PALS2: variants seen among roughly 807,000 people sequenced by gnomAD.
The protein encoded by PALS2 is protein PALS2.
A neutral mutation model predicts 61.6 loss-of-function variants in PALS2; 27 were observed. That is an observed-to-expected ratio of 0.44 (90% CI 0.32 to 0.60). PALS2 has a LOEUF of 0.60. PALS2 is among the 20% of genes least tolerant of loss of function. PALS2 has a pLI of 0.05. For synonymous variants in PALS2, 236 were observed against 218.6 expected (o/e 1.08, Z -0.70); for missense variants, 554 against 639.4 (o/e 0.87, Z 1.44).
chr7:24,604,220 A>G (rs757626141), intron 1 of PALS2, among the ~76,000 whole-genome samples: 49 of 55,814 alleles, frequency 8.8e-4, no homozygotes, highest in East Asian at 1.9e-3. Flanking sequence ...TCAAGAAAAG[A>G]AAAAAAAAAA....
intron 1 of PALS2, among the ~76,000 whole-genome samples, chr7:24,578,452 A>G (rs956874233): frequency 2.6e-5 from 4 of 152,230 alleles, no homozygotes; most frequent in Non-Finnish European, 5.9e-5. Context: ...AATCCATTCT[A>G]GTTGTTATAA....
intron 5 of PALS2, among the ~76,000 whole-genome samples, chr7:24,654,158 CAATT>C (rs1385141635): frequency 2.7e-5 from 4 of 149,182 alleles, no homozygotes; most frequent in Non-Finnish European, 4.4e-5. Context: ...TATTTATTGG[CAATT>C]AATTAGCCAG....
intron 1 of PALS2, among the ~76,000 whole-genome samples, chr7:24,594,228 G>C (rs1191437022): frequency 2.6e-5 from 4 of 152,050 alleles, no homozygotes; most frequent in African/African-American, 9.7e-5. Flanking sequence ...ATTGAAGGGA[G>C]TTAGGGCCTT....
Position 24,639,430 on chromosome 7 carries a change from ACACT to A in PALS2, c.118-2285_118-2282del, listed in dbSNP as rs1244081875. 1.6e-4 allele frequency among the ~76,000 whole-genome samples: 24 copies of A among 145,768 alleles called. No individual in the cohort carries two copies. The East Asian group carries it at 3.8e-3, about 23-fold the overall frequency. Reference sequence around the variant, plus strand: ...TACACACACACACACACACACACACACACTACTTAGAATATAGTATCCAACGCAG... The same window carrying A: ...TACACACACACACACACACACACACAACTTAGAATATAGTATCCAACGCAG... On this transcript the variant is annotated intron_variant, in intron 2 of 11. Coordinates refer to ENST00000222644, the MANE Select transcript of PALS2 (RefSeq NM_001303037.2).
intron 6 of PALS2, among the ~76,000 whole-genome samples, chr7:24,664,585 C>G (rs1362689173): frequency 6.6e-6 from 1 of 152,050 alleles, no homozygotes; most frequent in Non-Finnish European, 1.5e-5. Flanking sequence ...AATTATAGAT[C>G]TACTTCTAAG....
At position 24,618,375 on chromosome 7, in the gene PALS2, A is replaced by G. The variant is rs1315643648; in HGVS notation, c.-2-5291A>G. Among the ~76,000 whole-genome samples, 4 of 152,226 alleles carry G rather than the reference A, an allele frequency of 2.6e-5. No homozygotes were observed. Among genetic ancestry groups the G allele is most frequent in the Non-Finnish European group, 4.4e-5 (3 of 68,034 alleles). ...GGCTCTGTGCAGCTGGGGTTGTGGC[A>G]TTCAGACACCTGTGTGGACTTAGTG... is the stretch of plus-strand genomic sequence containing the variant. On this transcript the variant is annotated intron_variant, in intron 1 of 11. Transcript: ENST00000222644. The surrounding 1 kb of genome is among the most constrained non-coding windows in gnomAD (Gnocchi z 5.1).
intron 9 of PALS2, among the ~76,000 whole-genome samples, chr7:24,678,353 TATGTC>T (rs1204724742): frequency 7.9e-5 from 12 of 152,176 alleles, no homozygotes; most frequent in Admixed American, 1.3e-4. Flanking sequence ...CCAGAAATAA[TATGTC>T]AGGTCAGAGG....
At chr7:24,626,448 T>C (rs976235230) in intron 2 of PALS2, among the ~76,000 whole-genome samples, 1 of 152,006 alleles carries the variant, frequency 6.6e-6, no homozygotes, top group Non-Finnish European at 1.5e-5. Flanking sequence ...TATTCCCCTT[T>C]GCAGTTACTG....
intron 9 of PALS2, among the ~76,000 whole-genome samples, chr7:24,675,660 C>T (rs574487187): frequency 1.6e-4 from 22 of 140,480 alleles, no homozygotes; most frequent in Admixed American, 1.1e-3. Flanking sequence ...TTTGTTCTTG[C>T]GATAGTTTAC....
At chr7:24,645,826 C>T (rs1347255025) in intron 3 of PALS2, among the ~76,000 whole-genome samples, 1 of 152,062 alleles carries the variant, frequency 6.6e-6, no homozygotes. Flanking sequence ...TTGTAGAAAT[C>T]TTTCACCTCC....
intron 1 of PALS2, among the ~76,000 whole-genome samples, chr7:24,595,792 G>A (rs1235904317): frequency 1.3e-5 from 2 of 151,142 alleles, no homozygotes; most frequent in Non-Finnish European, 2.9e-5. Flanking sequence ...GAATGCTTGG[G>A]TTTACTTTCT....
intron 1 of PALS2, among the ~76,000 whole-genome samples, chr7:24,616,019 A>G (rs1784282201): frequency 6.6e-6 from 1 of 152,144 alleles, no homozygotes; most frequent in South Asian, 2.1e-4. Context: ...ATAAAAACTC[A>G]ATAAATTAGG....
intron 2 of PALS2, among the ~76,000 whole-genome samples, chr7:24,633,024 C>T (rs1785068935): frequency 6.6e-6 from 1 of 152,098 alleles, no homozygotes; most frequent in Non-Finnish European, 1.5e-5. Flanking sequence ...TGTTTCCTGT[C>T]CCATATAATA....
chr7:24,622,521 T>G (rs115445935), intron 1 of PALS2, among the ~76,000 whole-genome samples: 1 of 152,112 alleles, frequency 6.6e-6, no homozygotes, highest in African/African-American at 2.4e-5. Flanking sequence ...TTGGTTGTTT[T>G]GTATTAATCT....
At chr7:24,665,893 C>G in intron 7 of PALS2, 128 bp from the exon 8 acceptor site, 2 of 1,021,170 alleles carry the variant, frequency 2.0e-6, no homozygotes, top group Non-Finnish European at 2.9e-6. Flanking sequence ...TAACTCACCT[C>G]CACCCTCTTT....
In PALS2 at chr7:24,588,211, T is replaced by A. The variant is rs544367608; in HGVS notation, c.-3+14618T>A. Among the ~76,000 whole-genome samples, 352 of 152,334 alleles carry A rather than the reference T, an allele frequency of 2.3e-3. 1 individual carries two copies. Among genetic ancestry groups the A allele is most frequent in the African/African-American group, 8.0e-3 (332 of 41,584 alleles). ...TTTGGAGACATAGGTCAATTTTTTT[T>A]ACTTCCTTTTCTTCTAGGCTTGACC... On this transcript the variant is annotated intron_variant, in intron 1 of 11. Transcript: ENST00000222644.
At chr7:24,678,188 C>G (rs1220856242) in intron 9 of PALS2, among the ~76,000 whole-genome samples, 1 of 152,152 alleles carries the variant, frequency 6.6e-6, no homozygotes, top group Non-Finnish European at 1.5e-5. Context: ...AGAGAGTACA[C>G]ATTTGCAACA....
intron 6 of PALS2, 52 bp from the exon 7 acceptor site, chr7:24,665,536 A>G (rs1786969206): frequency 2.6e-6 from 4 of 1,516,572 alleles, no homozygotes; most frequent in East Asian, 2.3e-5. Context: ...TTAATAGAAT[A>G]TGGTCTCAAA....
intron 2 of PALS2, chr7:24,624,093 A>G (rs1196258749): frequency 9.1e-6 from 12 of 1,323,294 alleles, no homozygotes; most frequent in Non-Finnish European, 1.2e-5. Flanking sequence ...TCCTATTTCC[A>G]TTTTCAACAA....
Sources: allele counts gnomAD v4.1 joint callset (sites outside exome capture counted in the v4.1 genomes callset), GRCh38; gene constraint gnomAD v4.1.1; non-coding constraint Gnocchi (gnomAD v3.1); transcripts MANE v1.5; gene names NCBI Gene and HGNC (gene_info 2026-07-23, HGNC 2026-07-21).